SPRY4: variants seen among roughly 807,000 people sequenced by gnomAD.
SPRY4 encodes the protein sprouty RTK signaling antagonist 4.
Under a neutral mutation model 17.0 loss-of-function variants are expected in SPRY4, and 7 were observed. The observed-to-expected ratio is 0.41, with a 90% CI of 0.23 to 0.77. SPRY4 has a LOEUF of 0.77. SPRY4 is among the 30% of genes least tolerant of loss of function. The probability of loss-of-function intolerance (pLI) is 0.32; values close to 1 mark genes in which losing one functional copy is unlikely to be tolerated. For missense variants in SPRY4, 435 were observed against 419.9 expected (o/e 1.04, Z -0.31); for synonymous variants, 183 against 174.1 (o/e 1.05, Z -0.40).
chr5:142,320,131 T>C (rs1346315020), intron 1 of SPRY4, among the ~76,000 whole-genome samples: 3 of 152,210 alleles, frequency 2.0e-5, no homozygotes, highest in African/African-American at 4.8e-5. Flanking sequence ...TATTCCAGTT[T>C]AGCTAATTAA....
At position 142,312,466 on chromosome 5, in the gene SPRY4, T is replaced by TC. The variant is rs908197691; in HGVS notation, c.*1742dup. ...AATCATAAGATGTTACTACTAGTCT[T>TC]CAAGAAGGAAAAAATAAGTCCTTGA... On this transcript the variant is annotated 3_prime_UTR_variant, in exon 2 of 2. Transcript: ENST00000434127. 1.3e-5 allele frequency: 2 copies of TC among 152,224 alleles called. No individual in the cohort carries two copies. The highest frequency in any genetic ancestry group is 4.8e-5 in the African/African-American group (2 of 41,426). The allele number at this position is 152,224 out of a possible 1,614,324, so 9.4% of individuals were successfully genotyped here.
chr5:142,314,191 G>C lies in SPRY4; in HGVS notation c.*18C>G, dbSNP rs778515546. 5.7e-6 allele frequency: 9 copies of C among 1,591,592 alleles called. No individual in the cohort carries two copies. In the South Asian group the frequency reaches 1.0e-4, roughly 18 times the overall value. On this transcript the variant is annotated 3_prime_UTR_variant, in exon 2 of 2. Transcript: ENST00000434127. The surrounding 1 kb of genome is among the most constrained non-coding windows in gnomAD (Gnocchi z 4.8). ...AACCAGGTTTCCAGGCAGAGCACTG[G>C]GGCTTCGACACAAACTGTCAGAAAG...
At position 142,313,938 on chromosome 5, in the gene SPRY4, T is replaced by C. The variant is rs1157076320; in HGVS notation, c.*271A>G. 5 of 451,830 alleles carry C rather than the reference T, an allele frequency of 1.1e-5. No individual in the cohort carries two copies. The highest frequency in any genetic ancestry group is 2.0e-5 in the Non-Finnish European group (5 of 251,942). 28.0% of individuals were successfully genotyped at this position (451,830 alleles called of 1,614,324 possible). A position where few individuals can be genotyped will look rare whatever the true frequency, so the allele number is the denominator to read the frequency against. ...GTTCTGTCTTCTGAAAAAGAAAAAT[T>C]TCCCCCCAAACCACACCCTGCCCCT... On this transcript the variant is annotated 3_prime_UTR_variant, in exon 2 of 2. Transcript: ENST00000434127.
At chr5:142,322,914 G>C (rs575692187) in intron 1 of SPRY4, among the ~76,000 whole-genome samples, 1 of 152,098 alleles carries the variant, frequency 6.6e-6, no homozygotes, top group African/African-American at 2.4e-5. Flanking sequence ...TGGGAAAGAG[G>C]AAATGTGATT....
Position 142,314,339 on chromosome 5 carries a change from C to T in SPRY4, c.770G>A (p.Cys257Tyr), listed in dbSNP as rs1759048789. The T allele has an allele frequency of 1.2e-6, 2 of 1,614,080 alleles. No homozygotes were observed. The highest frequency in any genetic ancestry group is 1.7e-6 in the Non-Finnish European group (2 of 1,179,980). ...CLLCYLPATGCVKLAQRGYDR... is the reference protein window; with the variant it reads ...CLLCYLPATGYVKLAQRGYDR... ...GTAGCCACGCTGGGCCAGCTTCACGCAGCCGGTGGCAGGCAGGTAGCAGAG... is the reference window on the plus strand; with the variant it reads ...GTAGCCACGCTGGGCCAGCTTCACGTAGCCGGTGGCAGGCAGGTAGCAGAG... Residue 257 changes from cysteine to tyrosine, a missense_variant, in exon 2 of 2, where the codon TGC (cysteine) becomes TAC (tyrosine). Coordinates refer to ENST00000434127, the MANE Select transcript of SPRY4 (RefSeq NM_001127496.3). This position sits in a 1 kb window ranked among gnomAD's most constrained non-coding sequence, Gnocchi z 4.8.
chr5:142,322,443 C>T (rs1037799658), intron 1 of SPRY4, among the ~76,000 whole-genome samples: 1 of 149,616 alleles, frequency 6.7e-6, no homozygotes, highest in African/African-American at 2.5e-5. Flanking sequence ...TGCACTCCAG[C>T]CTGGGTCACA....
intron 1 of SPRY4, among the ~76,000 whole-genome samples, chr5:142,319,308 G>A (rs576360930): frequency 1.3e-5 from 2 of 152,352 alleles, no homozygotes; most frequent in African/African-American, 4.8e-5. Flanking sequence ...TTTCAATGTG[G>A]AGAGTGAAGG....
chr5:142,317,146 G>A, intron 1 of SPRY4: 2 of 985,494 alleles, frequency 2.0e-6, no homozygotes, highest in Non-Finnish European at 2.4e-6. Flanking sequence ...GGGCTGGAGA[G>A]AGGGAATGCA....
At position 142,314,585 on chromosome 5, in the gene SPRY4, G is replaced by A. The variant is rs780235494; in HGVS notation, c.524C>T (p.Thr175Met). The change falls in exon 2 of 2, where the codon ACG becomes ATG. Residue 175 changes from threonine (T) to methionine (M), a missense_variant. Physicochemically the swap from Thr to Met is moderately conservative, Grantham distance 81 (BLOSUM62 -1). Coordinates refer to ENST00000434127, the MANE Select transcript of SPRY4 (RefSeq NM_001127496.3). This position sits in a 1 kb window ranked among gnomAD's most constrained non-coding sequence, Gnocchi z 4.8. ...GTTGCAGACCCAGCAGGAAGGCAAC[G>A]TCCGGGGGGATGCACACTCCTTGCA... ...CKCKECASPR[T>M]LPSCWVCNQE... 10 of 1,614,138 alleles carry A rather than the reference G, an allele frequency of 6.2e-6. No individual in the cohort carries two copies. Among genetic ancestry groups the A allele is most frequent in the Admixed American group, 5.0e-5 (3 of 60,010 alleles).
Position 142,312,942 on chromosome 5 carries a change from G to A in SPRY4, c.*1267C>T, listed in dbSNP as rs1758977430. On this transcript the variant is annotated 3_prime_UTR_variant, in exon 2 of 2. Transcript: ENST00000434127. ...CCAAGCTCTTCCGACTCCCCTGCTG[G>A]GGCTTCCTAACACTAAAATAGACTC... 6.6e-6 allele frequency: 1 copy of A among 152,524 alleles called. No individual in the cohort carries two copies. 9.4% of individuals were successfully genotyped at this position (152,524 alleles called of 1,614,324 possible). A position where few individuals can be genotyped will look rare whatever the true frequency, so the allele number is the denominator to read the frequency against.
Position 142,314,800 on chromosome 5 carries a change from G to T in SPRY4, c.309C>A (p.Ser103Arg). ...AGAGCCGTTGGTCAGAGGATGTGCT[G>T]CTGCTGCTGCTCACAGAGCTGGGGC... is the stretch of plus-strand genomic sequence containing the variant. ...SGRPSSVSSSSSTSSDQRLLD... is the reference protein window; with the variant it reads ...SGRPSSVSSSRSTSSDQRLLD... Residue 103 changes from serine (S) to arginine (R), a missense_variant, in exon 2 of 2, where the codon AGC (serine) becomes AGA (arginine). Coordinates refer to ENST00000434127, the MANE Select transcript of SPRY4 (RefSeq NM_001127496.3). The surrounding 1 kb of genome is among the most constrained non-coding windows in gnomAD (Gnocchi z 4.8). 6.3e-7 allele frequency: 1 copy of T among 1,594,100 alleles called. No individual in the cohort carries two copies. The highest frequency in any genetic ancestry group is 8.6e-7 in the Non-Finnish European group (1 of 1,166,788).
chr5:142,318,659 TATAA>T (rs1050897896), intron 1 of SPRY4, among the ~76,000 whole-genome samples: 2 of 152,254 alleles, frequency 1.3e-5, no homozygotes, highest in Admixed American at 1.3e-4. Context: ...AGATTTATAA[TATAA>T]ATAAGAGAGA....
intron 1 of SPRY4, among the ~76,000 whole-genome samples, chr5:142,322,062 G>A (rs987668909): frequency 6.6e-6 from 1 of 152,030 alleles, no homozygotes; most frequent in Non-Finnish European, 1.5e-5. Context: ...TATTATTCAC[G>A]AAAGTCAGCC....
At chr5:142,322,151 A>G (rs1759362842) in intron 1 of SPRY4, among the ~76,000 whole-genome samples, 1 of 152,218 alleles carries the variant, frequency 6.6e-6, no homozygotes, top group African/African-American at 2.4e-5. Context: ...AAAGAGCCAC[A>G]TCTCTCCGCC....
In SPRY4 at chr5:142,313,145, T is replaced by C. The variant is rs1758987168; in HGVS notation, c.*1064A>G. ...TTTGCTGTTAAAATCCTCTTGTTGATAGGGAGGGAAATTGTGTTCCTTGAG... is the reference window on the plus strand; with the variant it reads ...TTTGCTGTTAAAATCCTCTTGTTGACAGGGAGGGAAATTGTGTTCCTTGAG... On this transcript the variant is annotated 3_prime_UTR_variant, in exon 2 of 2. Transcript: ENST00000434127. 1 of 152,524 alleles carries C rather than the reference T, an allele frequency of 6.6e-6. No individual in the cohort carries two copies. Among genetic ancestry groups the C allele is most frequent in the South Asian group, 2.1e-4 (1 of 4,822 alleles). The allele number at this position is 152,524 out of a possible 1,614,324, so 9.4% of individuals were successfully genotyped here.
chr5:142,316,661 T>C (rs1199609556), intron 1 of SPRY4, among the ~76,000 whole-genome samples: 2 of 152,204 alleles, frequency 1.3e-5, no homozygotes, highest in Non-Finnish European at 1.5e-5. Context: ...ATGTTCTAAT[T>C]AGGAGAGCTG....
chr5:142,324,203 C>A (rs1759453735), intron 1 of SPRY4: 2 of 152,498 alleles, frequency 1.3e-5, no homozygotes, highest in African/African-American at 4.8e-5. Context: ...GAGCAAAGGT[C>A]AGACGGCGAG....
In SPRY4 at chr5:142,312,073, G is replaced by C. The variant is rs954476036; in HGVS notation, c.*2136C>G. The C allele has an allele frequency of 1.2e-4, 6 of 49,760 alleles. No individual in the cohort carries two copies. The highest frequency in any genetic ancestry group is 3.7e-4 in the African/African-American group (6 of 16,188). The allele number at this position is 49,760 out of a possible 1,614,324, so 3.1% of individuals were successfully genotyped here. ...TTTCCCATGGAGACAATTTGAGGGA[G>C]GGGCCCTGGGAAGTTCTGAGGCCTC... On this transcript the variant is annotated 3_prime_UTR_variant, in exon 2 of 2. Coordinates refer to ENST00000434127, the MANE Select transcript of SPRY4 (RefSeq NM_001127496.3).
chr5:142,322,216 C>T (rs886513020), intron 1 of SPRY4, among the ~76,000 whole-genome samples: 8 of 152,252 alleles, frequency 5.3e-5, no homozygotes, highest in Non-Finnish European at 7.4e-5. Flanking sequence ...TGGTGGCTCA[C>T]GCCTGTAATC....
Sources: gnomAD v4.1 joint callset for allele counts (sites outside exome capture counted in the v4.1 genomes callset) on GRCh38, gnomAD v4.1.1 for gene constraint, Gnocchi (gnomAD v3.1) non-coding constraint, MANE v1.5 for transcripts, NCBI Gene and HGNC (gene_info 2026-07-23, HGNC 2026-07-21) for gene names.